Variants in ASTN1 observed in about 807,000 individuals in gnomAD.
ASTN1 encodes the protein astrotactin-1.
A neutral mutation model predicts 140.7 loss-of-function variants in ASTN1; 41 were observed. That is an observed-to-expected ratio of 0.29 (90% CI 0.23 to 0.38). The LOEUF is 0.38. Among genes scored for constraint, ASTN1 ranks in the 10% least tolerant of loss-of-function variants. The pLI is 1.00. For synonymous variants in ASTN1, 640 were observed against 652.2 expected (o/e 0.98, Z 0.29); for missense variants, 1,479 against 1,678.8 (o/e 0.88, Z 2.08).
In ASTN1 at chr1:176,883,002, G is replaced by A; in HGVS notation, c.3227-8C>T. On this transcript the variant is annotated splice_polypyrimidine_tract_variant and splice_region_variant and intron_variant, in intron 19 of 22. Transcript: ENST00000361833. Reference sequence around the variant, plus strand: ...CAAAGCTCAGCACTGTTTCTGCCCAGAGGAGAAGGAATGGAAAAAGCATGA... The same window carrying A: ...CAAAGCTCAGCACTGTTTCTGCCCAAAGGAGAAGGAATGGAAAAAGCATGA... The A allele has an allele frequency of 1.2e-6, 2 of 1,614,032 alleles. No homozygotes were observed. The highest frequency in any genetic ancestry group is 1.7e-6 in the Non-Finnish European group (2 of 1,179,948).
At chr1:177,008,679 T>C (rs983441134) in intron 8 of ASTN1, among the ~76,000 whole-genome samples, 1 of 150,946 alleles carries the variant, frequency 6.6e-6, no homozygotes, top group African/African-American at 2.4e-5. Flanking sequence ...AACTGCTGAA[T>C]GAATATGCTG....
intron 8 of ASTN1, among the ~76,000 whole-genome samples, chr1:177,001,777 T>C (rs893348560): frequency 2.6e-5 from 4 of 152,212 alleles, no homozygotes; most frequent in African/African-American, 9.6e-5. Flanking sequence ...GCTATAATAA[T>C]ACCAGGCATG....
intron 2 of ASTN1, among the ~76,000 whole-genome samples, chr1:177,036,036 CTTTTTTTTTT>C (rs869200407): frequency 1.3e-5 from 1 of 78,790 alleles, no homozygotes; most frequent in Admixed American, 1.4e-4. Flanking sequence ...CCTCAGCTTT[CTTTTTTTTTT>C]TTTTTTTTTT....
chr1:177,089,617 CCAGA>C (rs1293774683), intron 1 of ASTN1, among the ~76,000 whole-genome samples: 3 of 152,220 alleles, frequency 2.0e-5, no homozygotes, highest in South Asian at 2.1e-4. Flanking sequence ...CTGCTCACAC[CCAGA>C]CAAATGCATG....
intron 21 of ASTN1, among the ~76,000 whole-genome samples, chr1:176,871,030 C>G (rs907197052): frequency 6.6e-6 from 1 of 152,130 alleles, no homozygotes; most frequent in Admixed American, 6.5e-5. Context: ...GACTATCTGC[C>G]GTTGCTATTG....
At position 177,024,608 on chromosome 1, in the gene ASTN1, A is replaced by G; in HGVS notation, c.1245T>C (p.His415=). 6.2e-7 allele frequency: 1 copy of G among 1,614,130 alleles called. No individual in the cohort carries two copies. Among genetic ancestry groups the G allele is most frequent in the Non-Finnish European group, 8.5e-7 (1 of 1,180,018 alleles). The part of the protein sequence containing the change: ...NCPLVVKITL[H]VPEHLIADGS... ...CATCAGCAATCAGGTGCTCAGGGACATGCAGGGTGATCTTGACAACGAGAG... is the reference window on the plus strand; with the variant it reads ...CATCAGCAATCAGGTGCTCAGGGACGTGCAGGGTGATCTTGACAACGAGAG... The change falls in exon 6 of 23, where the codon CAT becomes CAC. Residue 415 remains histidine, a synonymous_variant. Transcript: ENST00000361833.
intron 22 of ASTN1, among the ~76,000 whole-genome samples, chr1:176,866,363 G>A (rs1571429243): frequency 6.6e-6 from 1 of 152,096 alleles, no homozygotes; most frequent in Non-Finnish European, 1.5e-5. Flanking sequence ...TAAATCATCT[G>A]GGGCAGATGA....
At chr1:177,055,624 G>T (rs994721321) in intron 2 of ASTN1, among the ~76,000 whole-genome samples, 1 of 152,214 alleles carries the variant, frequency 6.6e-6, no homozygotes, top group African/African-American at 2.4e-5. Context: ...TGAATTGCAA[G>T]AAAAGTCTTC....
chr1:176,936,168 A>C (rs772098731), intron 15 of ASTN1, 98 bp downstream of exon 15: 12 of 1,026,056 alleles, frequency 1.2e-5, no homozygotes, highest in Non-Finnish European at 1.7e-5. Flanking sequence ...GCTACATTTT[A>C]GGCTGCATCT....
chr1:177,154,230 G>A (rs1251610271), intron 1 of ASTN1, among the ~76,000 whole-genome samples: 3 of 152,182 alleles, frequency 2.0e-5, no homozygotes, highest in Non-Finnish European at 4.4e-5. Context: ...GACCATCATG[G>A]AATGTTCTGC....
chr1:176,929,393 T>C (rs1362613722), intron 16 of ASTN1, among the ~76,000 whole-genome samples: 1 of 151,952 alleles, frequency 6.6e-6, no homozygotes, highest in Non-Finnish European at 1.5e-5. Flanking sequence ...ACTCTAAAGA[T>C]GGAGGAAGAG....
At chr1:177,147,972 A>T (rs7522073) in intron 1 of ASTN1, among the ~76,000 whole-genome samples, 42,522 of 152,108 alleles carry the variant, frequency 0.28, 10,134 homozygotes, top group African/African-American at 0.65. Context: ...AGCCTGAGGA[A>T]GAAGCTCACA....
At chr1:176,905,988 G>A (rs1024497385) in intron 16 of ASTN1, among the ~76,000 whole-genome samples, 1 of 152,230 alleles carries the variant, frequency 6.6e-6, no homozygotes, top group African/African-American at 2.4e-5. Context: ...AGTGATGTGA[G>A]GGCCATGGCC....
At chr1:176,909,601 A>G (rs567395861) in intron 16 of ASTN1, among the ~76,000 whole-genome samples, 2 of 152,324 alleles carry the variant, frequency 1.3e-5, no homozygotes, top group South Asian at 4.1e-4. Flanking sequence ...GTTACAAAAG[A>G]TTTCTCCCTG....
rs151253938 is a variant in ASTN1 at position 176,897,915 on chromosome 1, G to A, written c.2672-3085C>T. Among the ~76,000 whole-genome samples the A allele has an allele frequency of 2.0e-4, 31 of 152,014 alleles. No homozygotes were observed. The East Asian group carries it at 5.4e-3, about 27-fold the overall frequency. ...CCAAATACCCAGGCATGCTCCCCAC[G>A]CCCCCTCCTCTCATTACTAAGCATG... On this transcript the variant is annotated intron_variant, in intron 16 of 22. Transcript: ENST00000361833.
chr1:177,161,641 C>T (rs1470211548), intron 1 of ASTN1, among the ~76,000 whole-genome samples: 1 of 152,188 alleles, frequency 6.6e-6, no homozygotes, highest in East Asian at 1.9e-4. Flanking sequence ...GGATAAAGGG[C>T]TGGAGAAGTT....
intron 1 of ASTN1, among the ~76,000 whole-genome samples, chr1:177,082,288 T>C (rs935904876): frequency 1.3e-5 from 2 of 152,076 alleles, no homozygotes; most frequent in African/African-American, 2.4e-5. Context: ...ACACTATCTG[T>C]TAAGGGAAAG....
chr1:177,096,756 C>T (rs898797571), intron 1 of ASTN1, among the ~76,000 whole-genome samples: 1 of 152,178 alleles, frequency 6.6e-6, no homozygotes, highest in Non-Finnish European at 1.5e-5. Context: ...CTTCTACCAT[C>T]ATGGTGAGGC....
intron 1 of ASTN1, among the ~76,000 whole-genome samples, chr1:177,085,293 C>A (rs1190697280): frequency 5.9e-5 from 9 of 152,036 alleles, no homozygotes; most frequent in Admixed American, 5.2e-4. Context: ...TTCCTGACAA[C>A]TAAAGAGATG....
Sources: allele counts gnomAD v4.1 joint callset (sites outside exome capture counted in the v4.1 genomes callset), GRCh38; gene constraint gnomAD v4.1.1; transcripts MANE v1.5; gene names NCBI Gene and HGNC (gene_info 2026-07-23, HGNC 2026-07-21).